Variants in SUB1 observed in about 807,000 individuals in gnomAD.
SUB1 encodes the protein activated RNA polymerase II transcriptional coactivator p15.
In SUB1, 1 loss-of-function variant was observed where a neutral mutation model predicts 16.9. The ratio of observed to expected loss-of-function variants is 0.06; its 90% CI spans 0.02 to 0.28. The LOEUF (loss-of-function observed/expected upper bound fraction) is 0.28. Among genes scored for constraint, SUB1 ranks in the 10% least tolerant of loss-of-function variants. The pLI is 1.00. For synonymous variants in SUB1, 51 were observed against 46.9 expected, an observed-to-expected ratio of 1.09 and a Z score of -0.36; for missense variants, 84 against 145.2, an observed-to-expected ratio of 0.58 and a Z score of 2.16.
intron 2 of SUB1, among the ~76,000 whole-genome samples, 170 bp downstream of exon 2, chr5:32,588,754 T>C (rs555545543): frequency 6.6e-6 from 1 of 152,130 alleles, no homozygotes; most frequent in East Asian, 1.9e-4. Context: ...GCAGGATTGC[T>C]TGAGGCCAAG....
At chr5:32,587,613 ATT>A (rs550698846) in intron 1 of SUB1, among the ~76,000 whole-genome samples, 5 of 143,850 alleles carry the variant, frequency 3.5e-5, no homozygotes, top group Non-Finnish European at 6.1e-5. Context: ...ATTGTGTAAG[ATT>A]TTTTTTTTTT....
At chr5:32,594,286 G>A (rs187229562) in intron 3 of SUB1, among the ~76,000 whole-genome samples, 2 of 152,272 alleles carry the variant, frequency 1.3e-5, no homozygotes, top group Non-Finnish European at 2.9e-5. Flanking sequence ...TAGTCTACCT[G>A]AGGTGACATC....
intron 2 of SUB1, among the ~76,000 whole-genome samples, chr5:32,589,954 T>C (rs182247662): frequency 1.3e-3 from 203 of 151,730 alleles, no homozygotes; most frequent in African/African-American, 4.6e-3. Flanking sequence ...AAATATAGAA[T>C]ATAACAACAC....
At position 32,602,270 on chromosome 5, in the gene SUB1, T is replaced by TTTA; in HGVS notation, c.*1188_*1190dup. ...CATGGTGTGCCTTAGGAAAAGAATG[T>TTTA]TTATAAAGGGAATTATAACTGAAAT... is the stretch of plus-strand genomic sequence containing the variant. On this transcript the variant is annotated 3_prime_UTR_variant, in exon 5 of 5. Coordinates refer to ENST00000265073, the MANE Select transcript of SUB1 (RefSeq NM_006713.4). 2.2e-6 allele frequency: 1 copy of TTTA among 452,462 alleles called. No individual in the cohort carries two copies. The highest frequency in any genetic ancestry group is 4.4e-6 in the Non-Finnish European group (1 of 225,982). 28.0% of individuals were successfully genotyped at this position (452,462 alleles called of 1,614,324 possible).
At chr5:32,600,792 TG>T (rs2111688809) in intron 4 of SUB1, among the ~76,000 whole-genome samples, 1 of 152,056 alleles carries the variant, frequency 6.6e-6, no homozygotes, top group East Asian at 1.9e-4. Context: ...TTAGTAGAGA[TG>T]GGGTTTCACC....
rs938100648 is a variant in SUB1 at position 32,603,894 on chromosome 5, T to G, written c.*2810T>G. On this transcript the variant is annotated 3_prime_UTR_variant, in exon 5 of 5. Coordinates refer to ENST00000265073, the MANE Select transcript of SUB1 (RefSeq NM_006713.4). Reference sequence around the variant, plus strand: ...TTAATCCAGTGAAACACTCAAAAGTTTTTTTTTTTTTAAAAGTGTTTTTCC... The same window carrying G: ...TTAATCCAGTGAAACACTCAAAAGTGTTTTTTTTTTTAAAAGTGTTTTTCC... The G allele has an allele frequency of 4.6e-4, 70 of 150,556 alleles. No individual in the cohort carries two copies. Among genetic ancestry groups the G allele is most frequent in the African/African-American group, 1.7e-3 (69 of 40,804 alleles). 9.3% of individuals were successfully genotyped at this position (150,556 alleles called of 1,614,324 possible). A position where few individuals can be genotyped will look rare whatever the true frequency, so the allele number is the denominator to read the frequency against.
At chr5:32,587,635 G>A (rs1010131775) in intron 1 of SUB1, among the ~76,000 whole-genome samples, 1 of 150,652 alleles carries the variant, frequency 6.6e-6, no homozygotes, top group Non-Finnish European at 1.5e-5. Flanking sequence ...TTTTGAGATG[G>A]AGTCTTGCTT....
chr5:32,588,497 G>A lies in SUB1; in HGVS notation c.-1-15G>A, dbSNP rs112663289. On this transcript the variant is annotated splice_polypyrimidine_tract_variant and intron_variant, in intron 1 of 4. Transcript: ENST00000265073. ...GTACCTTATTAATTATTTTTGTAAT[G>A]TATTTTTCTTTCAGGATGCCTAAAT... is the stretch of plus-strand genomic sequence containing the variant. The A allele has an allele frequency of 2.1e-5, 33 of 1,608,316 alleles. 1 individual carries two copies. The African/African-American group carries it at 2.3e-4, about 11-fold the overall frequency.
At chr5:32,594,024 C>T (rs1431052475) in intron 3 of SUB1, among the ~76,000 whole-genome samples, 1 of 152,092 alleles carries the variant, frequency 6.6e-6, no homozygotes, top group Non-Finnish European at 1.5e-5. Context: ...TTTCATGGAT[C>T]TAGTAGTGTA....
chr5:32,589,605 TTCGCTAAATTG>T (rs1321423743), intron 2 of SUB1, among the ~76,000 whole-genome samples: 1 of 152,162 alleles, frequency 6.6e-6, no homozygotes, highest in African/African-American at 2.4e-5. Context: ...ATTGGTGAAT[TTCGCTAAATTG>T]AGCATCTCAG....
At chr5:32,594,050 TATG>T (rs1366042998) in intron 3 of SUB1, among the ~76,000 whole-genome samples, 1 of 152,176 alleles carries the variant, frequency 6.6e-6, no homozygotes, top group Non-Finnish European at 1.5e-5. Context: ...TATGAAATAA[TATG>T]ATACTTAATT....
intron 2 of SUB1, 76 bp from the exon 3 acceptor site, chr5:32,591,487 A>G: frequency 6.8e-7 from 1 of 1,467,722 alleles, no homozygotes; most frequent in Non-Finnish European, 9.0e-7. Context: ...TTAAATCTTA[A>G]AAAGTAATGG....
rs972670923 is a variant in SUB1 at position 32,603,855 on chromosome 5, AT to A, written c.*2777del. ...TCTCTCCTGAAATTCTTTGCAGTTC[AT>A]TTTTTATGGCAGTTAATCCAGTGAA... is the stretch of plus-strand genomic sequence containing the variant. On this transcript the variant is annotated 3_prime_UTR_variant, in exon 5 of 5. Coordinates refer to ENST00000265073, the MANE Select transcript of SUB1 (RefSeq NM_006713.4). 6.6e-6 allele frequency: 1 copy of A among 151,820 alleles called. No individual in the cohort carries two copies. The highest frequency in any genetic ancestry group is 1.5e-5 in the Non-Finnish European group (1 of 67,944). The allele number at this position is 151,820 out of a possible 1,614,324, so 9.4% of individuals were successfully genotyped here. A position where few individuals can be genotyped will look rare whatever the true frequency, so the allele number is the denominator to read the frequency against.
intron 4 of SUB1, among the ~76,000 whole-genome samples, chr5:32,600,577 C>T (rs1739090427): frequency 6.6e-6 from 1 of 150,840 alleles, no homozygotes; most frequent in Non-Finnish European, 1.5e-5. Context: ...ATATGATTTT[C>T]AGTATTGTAG....
At chr5:32,600,936 AG>A in intron 4 of SUB1, 68 bp from the exon 5 acceptor site, 1 of 1,400,378 alleles carries the variant, frequency 7.1e-7, no homozygotes. Context: ...ACAGTATTCT[AG>A]TTGGAAGTAT....
At chr5:32,592,756 T>C (rs139829134) in intron 3 of SUB1, among the ~76,000 whole-genome samples, 40 of 151,952 alleles carry the variant, frequency 2.6e-4, no homozygotes, top group African/African-American at 8.9e-4. Flanking sequence ...AAGGGCTTAG[T>C]TGGGAAATGT....
Position 32,602,852 on chromosome 5 carries a change from A to C in SUB1, c.*1768A>C, listed in dbSNP as rs750313227. 6.6e-6 allele frequency: 1 copy of C among 152,132 alleles called. No individual in the cohort carries two copies. The highest frequency in any genetic ancestry group is 1.5e-5 in the Non-Finnish European group (1 of 68,004). The allele number at this position is 152,132 out of a possible 1,614,324, so 9.4% of individuals were successfully genotyped here. ...TTTAGACACATCATGCTTGATTGGT[A>C]ACTTCCCTCCTTTTTTGGGGAACAT... On this transcript the variant is annotated 3_prime_UTR_variant, in exon 5 of 5. Transcript: ENST00000265073.
At chr5:32,597,817 T>C (rs1176170997) in intron 3 of SUB1, 3 of 152,196 alleles carry the variant, frequency 2.0e-5, no homozygotes, top group Admixed American at 1.3e-4. Flanking sequence ...TTGTATGTTA[T>C]ATGTATTATA....
intron 1 of SUB1, among the ~76,000 whole-genome samples, chr5:32,587,076 C>T (rs1461815243): frequency 6.6e-6 from 1 of 152,000 alleles, no homozygotes; most frequent in Non-Finnish European, 1.5e-5. Flanking sequence ...GGCCCTTTAA[C>T]GCATACAGAA....
Sources: gnomAD v4.1 joint callset for allele counts (sites outside exome capture counted in the v4.1 genomes callset) on GRCh38, gnomAD v4.1.1 for gene constraint, MANE v1.5 for transcripts, NCBI Gene and HGNC (gene_info 2026-07-23, HGNC 2026-07-21) for gene names.